Variants in PRELID2 observed in about 807,000 individuals in gnomAD.
PRELID2 encodes PRELI domain containing 2, also known as PRELI domain-containing protein 2.
A neutral mutation model predicts 28.4 loss-of-function variants in PRELID2; 25 were observed. That is an observed-to-expected ratio of 0.88 (90% confidence interval 0.64 to 1.23). PRELID2 has a LOEUF of 1.23. Among genes scored for constraint, PRELID2 ranks in the 50% most tolerant of loss-of-function variants. The pLI is 0.00. For missense variants in PRELID2, 201 were observed against 214.4 expected (o/e 0.94, Z 0.39); for synonymous variants, 76 against 71.6 (o/e 1.06, Z -0.31).
chr5:145,712,598 G>T lies in PRELID2; in HGVS notation n.70+52333C>A, dbSNP rs527851712. ...AGGATAAATAGCATTTATTTCAGCT[G>T]CTACTGTTCTTTTATATATAATATC... is the stretch of plus-strand genomic sequence containing the variant. On this transcript the variant is annotated intron_variant and non_coding_transcript_variant, in intron 1 of 2. Transcript: ENST00000510259. Among the ~76,000 whole-genome samples the T allele has an allele frequency of 4.6e-5, 7 of 152,268 alleles. No homozygotes were observed. The East Asian group carries it at 1.4e-3, about 29-fold the overall frequency.
the PRELID2 span, among the ~76,000 whole-genome samples, chr5:145,394,215 A>AT: frequency 6.6e-6 from 1 of 152,182 alleles, no homozygotes. Context: ...GATTAAGAAA[A>AT]TTTGGCACAT....
At chr5:145,493,840 C>T (rs1426409884) in intron 1 of PRELID2, among the ~76,000 whole-genome samples, 1 of 152,136 alleles carries the variant, frequency 6.6e-6, no homozygotes, top group East Asian at 1.9e-4. Context: ...AGTATTTCTG[C>T]TTTTGTATTC....
At chr5:145,681,020 G>A (rs2149688925) in intron 1 of PRELID2, among the ~76,000 whole-genome samples, 1 of 152,322 alleles carries the variant, frequency 6.6e-6, no homozygotes, top group Non-Finnish European at 1.5e-5. Flanking sequence ...GACAGCAGAG[G>A]ATAATGAACC....
the PRELID2 span, among the ~76,000 whole-genome samples, chr5:145,295,342 A>G: frequency 2.6e-5 from 4 of 152,278 alleles, no homozygotes; most frequent in Admixed American, 2.0e-4. Context: ...TGGTAATATA[A>G]TTTATTTTCT....
At chr5:145,591,552 A>G (rs142545885) in intron 1 of PRELID2, among the ~76,000 whole-genome samples, 404 of 152,286 alleles carry the variant, frequency 2.7e-3, no homozygotes, top group Non-Finnish European at 4.6e-3. Context: ...TTGTATGTTC[A>G]TGGCAGTGCC....
chr5:145,624,098 C>A (rs1753812197), intron 1 of PRELID2, among the ~76,000 whole-genome samples: 1 of 152,122 alleles, frequency 6.6e-6, no homozygotes, highest in African/African-American at 2.4e-5. Flanking sequence ...AGGATATAAC[C>A]TGGGGACATC....
chr5:145,703,135 A>C (rs1035566732), intron 1 of PRELID2, among the ~76,000 whole-genome samples: 10 of 152,210 alleles, frequency 6.6e-5, no homozygotes, highest in African/African-American at 2.4e-4. Context: ...AGTCTTTGGA[A>C]GAAGCCAGAC....
chr5:145,503,434 G>A (rs775354608), intron 1 of PRELID2, among the ~76,000 whole-genome samples: 8 of 152,052 alleles, frequency 5.3e-5, no homozygotes, highest in African/African-American at 9.7e-5. Flanking sequence ...GTGTTCAGAC[G>A]TTTAAAACAA....
the PRELID2 span, among the ~76,000 whole-genome samples, chr5:145,373,217 G>C: frequency 4.3e-4 from 14 of 32,814 alleles, 1 homozygote; most frequent in Non-Finnish European, 5.8e-4. Context: ...TAATATATAT[G>C]ATATATATTA....
intron 1 of PRELID2, among the ~76,000 whole-genome samples, chr5:145,528,663 T>C (rs2126658379): frequency 6.6e-6 from 1 of 150,600 alleles, no homozygotes; most frequent in East Asian, 2.0e-4. Context: ...GCCATTCTGC[T>C]TTGGGCCGTT....
At chr5:145,674,920 G>A (rs552823481) in intron 1 of PRELID2, among the ~76,000 whole-genome samples, 9 of 151,450 alleles carry the variant, frequency 5.9e-5, no homozygotes, top group Non-Finnish European at 1.3e-4. Context: ...GAACAACAGA[G>A]TGAGATTCAG....
intron 1 of PRELID2, among the ~76,000 whole-genome samples, chr5:145,496,059 C>T (rs1369470324): frequency 1.3e-5 from 2 of 152,040 alleles, no homozygotes; most frequent in Non-Finnish European, 2.9e-5. Context: ...AAGAAATATT[C>T]TTTATTATAT....
intron 1 of PRELID2, among the ~76,000 whole-genome samples, chr5:145,642,884 T>A (rs1581022105): frequency 6.6e-6 from 1 of 152,228 alleles, no homozygotes; most frequent in East Asian, 1.9e-4. Context: ...TATATCTGTT[T>A]TGGTACCAGT....
At position 145,582,517 on chromosome 5, in the gene PRELID2, T is replaced by A. The variant is rs747645812; in HGVS notation, n.71-109202A>T. Among the ~76,000 whole-genome samples the A allele has an allele frequency of 3.0e-4, 46 of 152,008 alleles. 1 individual carries two copies. Among genetic ancestry groups the A allele is most frequent in the Non-Finnish European group, 1.8e-4 (12 of 67,968 alleles). ...AACACATGGGGATTACAAGCCAAGA[T>A]GAGATTTGGGTGGGGACACAGAGCC... On this transcript the variant is annotated intron_variant and non_coding_transcript_variant, in intron 1 of 2. Coordinates refer to the PRELID2 transcript ENST00000510259.
intron 5 of PRELID2, among the ~76,000 whole-genome samples, chr5:145,773,798 T>C (rs1344620551): frequency 6.6e-6 from 1 of 152,260 alleles, no homozygotes; most frequent in Admixed American, 6.5e-5. Flanking sequence ...TTTTCTTCCC[T>C]ATTCTGAGAT....
chr5:145,307,270 T>C, the PRELID2 span, among the ~76,000 whole-genome samples: 1 of 152,220 alleles, frequency 6.6e-6, no homozygotes, highest in Middle Eastern at 3.4e-3. Flanking sequence ...CTGCAGCAGG[T>C]ACCATGGAAG....
intron 1 of PRELID2, among the ~76,000 whole-genome samples, chr5:145,491,724 G>A (rs1752271181): frequency 6.6e-6 from 1 of 150,800 alleles, no homozygotes; most frequent in African/African-American, 2.4e-5. Context: ...CCCTGACCCT[G>A]GTAACCACTA....
chr5:145,683,816 G>T (rs1355342173), intron 1 of PRELID2, among the ~76,000 whole-genome samples: 1 of 152,180 alleles, frequency 6.6e-6, no homozygotes, highest in East Asian at 1.9e-4. Context: ...CAATCACAAA[G>T]GGGGCTGCTT....
At chr5:145,522,790 G>A (rs1330188001) in intron 1 of PRELID2, among the ~76,000 whole-genome samples, 1 of 151,606 alleles carries the variant, frequency 6.6e-6, no homozygotes, top group Non-Finnish European at 1.5e-5. Flanking sequence ...AGAGAAGGAA[G>A]AAGAGGAGGA....
Sources: gnomAD v4.1 joint callset for allele counts (sites outside exome capture counted in the v4.1 genomes callset) on GRCh38, gnomAD v4.1.1 for gene constraint, MANE v1.5 for transcripts, NCBI Gene and HGNC (gene_info 2026-07-23, HGNC 2026-07-21) for gene names.